CROT: variants seen among roughly 807,000 people sequenced by gnomAD.
CROT encodes the protein carnitine O-octanoyltransferase, also known as peroxisomal carnitine O-octanoyltransferase.
Under a neutral mutation model 89.2 loss-of-function variants are expected in CROT, and 84 were observed. The observed-to-expected ratio is 0.94, with a 90% CI of 0.79 to 1.13. The LOEUF is 1.13. CROT is among the 50% of genes most tolerant of loss of function. The pLI is 0.00. For synonymous variants in CROT, 212 were observed against 239.5 expected (o/e 0.89, Z 1.06); for missense variants, 711 against 727.8 (o/e 0.98, Z 0.27).
At chr7:87,377,849 C>G (rs144467924) in intron 10 of CROT, among the ~76,000 whole-genome samples, 1 of 152,138 alleles carries the variant, frequency 6.6e-6, no homozygotes, top group East Asian at 1.9e-4. Flanking sequence ...AACTATTTTC[C>G]TAAAATGACA....
chr7:87,351,308 CAAAAAAAAA>C (rs11295263), intron 3 of CROT, among the ~76,000 whole-genome samples: 2 of 67,524 alleles, frequency 3.0e-5, no homozygotes, highest in African/African-American at 6.1e-5. Flanking sequence ...GACTCCATCT[CAAAAAAAAA>C]AAAAAAAAAA....
At chr7:87,384,996 GC>G (rs1356735586) in intron 13 of CROT, among the ~76,000 whole-genome samples, 1 of 151,978 alleles carries the variant, frequency 6.6e-6, no homozygotes, top group Non-Finnish European at 1.5e-5. Context: ...AAAAGGAGAT[GC>G]CTGTAAATAC....
chr7:87,371,661 T>C (rs930606137), intron 7 of CROT, among the ~76,000 whole-genome samples: 6 of 152,168 alleles, frequency 3.9e-5, no homozygotes, highest in African/African-American at 1.4e-4. Context: ...CCACTTCTCC[T>C]AATCATTGTT....
intron 13 of CROT, among the ~76,000 whole-genome samples, chr7:87,387,867 G>T (rs1807230175): frequency 1.3e-5 from 2 of 152,156 alleles, no homozygotes; most frequent in South Asian, 4.1e-4. Context: ...TAGGAGAATT[G>T]CTTGCACCCA....
Position 87,399,614 on chromosome 7 carries a change from G to GA in CROT, c.*975dup, listed in dbSNP as rs769564667. 6.6e-6 allele frequency: 1 copy of GA among 152,144 alleles called. No individual in the cohort carries two copies. Among genetic ancestry groups the GA allele is most frequent in the Non-Finnish European group, 1.5e-5 (1 of 68,004 alleles). 9.4% of individuals were successfully genotyped at this position (152,144 alleles called of 1,614,324 possible). A position where few individuals can be genotyped will look rare whatever the true frequency, so the allele number is the denominator to read the frequency against. ...TGTATTATAATTAGTTTTGTGAATA[G>GA]AAAAATAAAGCACTTATGTTTAAAT... On this transcript the variant is annotated 3_prime_UTR_variant, in exon 18 of 18. Transcript: ENST00000331536.
chr7:87,357,498 C>T (rs1176557933), intron 3 of CROT: 1 of 1,551,302 alleles, frequency 6.4e-7, no homozygotes, highest in East Asian at 2.4e-5. Flanking sequence ...TCCTAATGTC[C>T]CTTTGTAGTC....
intron 7 of CROT, among the ~76,000 whole-genome samples, chr7:87,374,115 A>T (rs1023220934): frequency 9.2e-5 from 14 of 152,100 alleles, no homozygotes; most frequent in Admixed American, 7.2e-4. Context: ...TATTTAAAAA[A>T]ATATATGATT....
At chr7:87,377,690 T>C (rs190097724) in intron 10 of CROT, among the ~76,000 whole-genome samples, 419 of 152,308 alleles carry the variant, frequency 2.8e-3, no homozygotes, top group Middle Eastern at 0.01. Flanking sequence ...ATATAATATT[T>C]ATGTAATATA....
intron 4 of CROT, among the ~76,000 whole-genome samples, chr7:87,361,001 C>T (rs1488183130): frequency 6.6e-6 from 1 of 152,158 alleles, no homozygotes; most frequent in Non-Finnish European, 1.5e-5. Context: ...CAGGGTCTTT[C>T]TCTGTCACCA....
At chr7:87,347,498 A>T (rs1042713063) in intron 2 of CROT, among the ~76,000 whole-genome samples, 2 of 152,236 alleles carry the variant, frequency 1.3e-5, no homozygotes. Context: ...CCAGATCTAC[A>T]TTTCCATTAG....
At chr7:87,351,117 G>A (rs1805852822) in intron 3 of CROT, among the ~76,000 whole-genome samples, 1 of 151,718 alleles carries the variant, frequency 6.6e-6, no homozygotes, top group Non-Finnish European at 1.5e-5. Flanking sequence ...GACCATCCTG[G>A]CTAACACGGT....
In CROT at chr7:87,398,908, C is replaced by T. The variant is rs1807650376; in HGVS notation, c.*264C>T. 1 of 346,674 alleles carries T rather than the reference C, an allele frequency of 2.9e-6. No homozygotes were observed. Among genetic ancestry groups the T allele is most frequent in the South Asian group, 4.6e-5 (1 of 21,726 alleles). 21.5% of individuals were successfully genotyped at this position (346,674 alleles called of 1,614,324 possible). A position where few individuals can be genotyped will look rare whatever the true frequency, so the allele number is the denominator to read the frequency against. On this transcript the variant is annotated 3_prime_UTR_variant, in exon 18 of 18. Transcript: ENST00000331536. ...ATATAGAACTATGCAGTATTTAAGC[C>T]TCAACAATCCAAATCTACAAACTTT... is the stretch of plus-strand genomic sequence containing the variant.
At chr7:87,353,155 CT>C (rs1012809521) in intron 3 of CROT, among the ~76,000 whole-genome samples, 2 of 151,484 alleles carry the variant, frequency 1.3e-5, no homozygotes, top group African/African-American at 4.8e-5. Context: ...TTTTATTTTT[CT>C]TTTTTTTTTG....
chr7:87,355,799 C>T (rs1044995564), intron 3 of CROT, among the ~76,000 whole-genome samples: 1 of 151,810 alleles, frequency 6.6e-6, no homozygotes, highest in Non-Finnish European at 1.5e-5. Context: ...CCTGTGTCTC[C>T]TGGGGCCTAG....
Position 87,398,765 on chromosome 7 carries a change from A to C in CROT, c.*121A>C. On this transcript the variant is annotated 3_prime_UTR_variant, in exon 18 of 18. Coordinates refer to ENST00000331536, the MANE Select transcript of CROT (RefSeq NM_021151.4). ...CTAACATTCCTTTAACAAGTTAAGA[A>C]AACTTGTTAAATGTAGAAATTAGTA... 1.1e-6 allele frequency: 1 copy of C among 897,502 alleles called. No individual in the cohort carries two copies. Among genetic ancestry groups the C allele is most frequent in the Non-Finnish European group, 1.7e-6 (1 of 601,794 alleles). The allele number at this position is 897,502 out of a possible 1,614,324, so 55.6% of individuals were successfully genotyped here. A position where few individuals can be genotyped will look rare whatever the true frequency, so the allele number is the denominator to read the frequency against.
At chr7:87,389,598 A>G (rs942261311) in intron 13 of CROT, among the ~76,000 whole-genome samples, 2 of 151,910 alleles carry the variant, frequency 1.3e-5, no homozygotes, top group African/African-American at 2.4e-5. Flanking sequence ...ACAGGAAGGG[A>G]ACATCACACA....
chr7:87,379,522 T>G (rs935555575), intron 10 of CROT, among the ~76,000 whole-genome samples: 3 of 152,216 alleles, frequency 2.0e-5, no homozygotes, highest in African/African-American at 7.2e-5. Flanking sequence ...TTTTTACTAA[T>G]AGCACCAGTA....
At chr7:87,391,481 T>C (rs1807355124) in intron 13 of CROT, 108 bp from the exon 14 acceptor site, 1 of 1,085,546 alleles carries the variant, frequency 9.2e-7, no homozygotes, top group South Asian at 1.8e-5. Flanking sequence ...CTATCTGTGT[T>C]AAAGGGCTTA....
At chr7:87,366,111 C>G (rs1482850881) in intron 6 of CROT, among the ~76,000 whole-genome samples, 1 of 152,148 alleles carries the variant, frequency 6.6e-6, no homozygotes, top group Non-Finnish European at 1.5e-5. Flanking sequence ...TTCCCCAAAC[C>G]CTTCTGCTGT....
Sources: gnomAD v4.1 joint callset for allele counts (sites outside exome capture counted in the v4.1 genomes callset) on GRCh38, gnomAD v4.1.1 for gene constraint, MANE v1.5 for transcripts, NCBI Gene and HGNC (gene_info 2026-07-23, HGNC 2026-07-21) for gene names.